ARHGEF3: variants seen among roughly 807,000 people sequenced by gnomAD.
ARHGEF3 encodes Rho guanine nucleotide exchange factor 3, also known as 59.8 kDA protein.
In ARHGEF3, 28 loss-of-function variants were observed where a neutral mutation model predicts 63.2. The ratio of observed to expected loss-of-function variants is 0.44; its 90% CI spans 0.33 to 0.61. The LOEUF (loss-of-function observed/expected upper bound fraction) is 0.61. Among genes scored for constraint, ARHGEF3 ranks in the 20% least tolerant of loss-of-function variants. ARHGEF3 has a pLI of 0.03. For synonymous variants in ARHGEF3, 266 were observed against 254.2 expected (o/e 1.05, Z -0.44); for missense variants, 533 against 659.3 (o/e 0.81, Z 2.10).
In ARHGEF3 at chr3:56,801,892, G is replaced by GGGC; in HGVS notation, c.-97_-95dup. The GGGC allele has an allele frequency of 3.9e-6, 6 of 1,547,418 alleles. No individual in the cohort carries two copies. The highest frequency in any genetic ancestry group is 1.2e-5 in the South Asian group (1 of 83,916). On this transcript the variant is annotated 5_prime_UTR_variant, in exon 1 of 10. Transcript: ENST00000296315. ...AAGGGGGCCCCAGCTCCACGATGCC[G>GGGC]GGCGGCGGCGGCGACACGGAGACCG...
At chr3:57,046,962 C>T (rs1006983165) in intron 1 of ARHGEF3, among the ~76,000 whole-genome samples, 4 of 152,128 alleles carry the variant, frequency 2.6e-5, no homozygotes, top group African/African-American at 9.7e-5. Context: ...ACCATAATTA[C>T]ACAATGACAA....
chr3:56,777,029 G>A (rs921809486), intron 1 of ARHGEF3, among the ~76,000 whole-genome samples: 1 of 152,144 alleles, frequency 6.6e-6, no homozygotes, highest in South Asian at 2.1e-4. Flanking sequence ...TGTTTCTCTT[G>A]TCTTATTGCA....
upstream of ARHGEF3, among the ~76,000 whole-genome samples, chr3:56,806,659 G>A (rs1403218460): frequency 6.6e-6 from 1 of 152,196 alleles, no homozygotes; most frequent in East Asian, 1.9e-4. Flanking sequence ...TGGTAGGCCT[G>A]AATACAGAAG....
At chr3:56,913,816 T>A (rs191223966) in intron 3 of ARHGEF3, among the ~76,000 whole-genome samples, 2 of 152,184 alleles carry the variant, frequency 1.3e-5, no homozygotes, top group Non-Finnish European at 2.9e-5. Context: ...GAAGTCATTA[T>A]ACGAAAAAGA....
At chr3:56,830,189 G>A (rs1420842825) in intron 4 of ARHGEF3, among the ~76,000 whole-genome samples, 4 of 152,144 alleles carry the variant, frequency 2.6e-5, no homozygotes, top group Non-Finnish European at 5.9e-5. Flanking sequence ...ATGATGGGAT[G>A]GTGGTAATGA....
chr3:56,980,775 A>C (rs1404568731), intron 2 of ARHGEF3, among the ~76,000 whole-genome samples: 1 of 152,252 alleles, frequency 6.6e-6, no homozygotes, highest in Non-Finnish European at 1.5e-5. Context: ...TGGGAAACTC[A>C]GGTGCAGAGA....
chr3:57,044,762 C>A (rs9790246), intron 1 of ARHGEF3, among the ~76,000 whole-genome samples: 31,714 of 152,102 alleles, frequency 0.21, 4,507 homozygotes, highest in East Asian at 0.63. Context: ...AAAATCAGAT[C>A]CCAGATCCCA....
intron 2 of ARHGEF3, among the ~76,000 whole-genome samples, chr3:57,014,936 C>T (rs954444008): frequency 5.9e-5 from 9 of 152,148 alleles, no homozygotes; most frequent in Non-Finnish European, 1.0e-4. Context: ...CCTCCCGCCT[C>T]GGCCTCCCAA....
At chr3:56,795,171 G>T (rs540609810) in intron 1 of ARHGEF3, among the ~76,000 whole-genome samples, 1 of 152,058 alleles carries the variant, frequency 6.6e-6, no homozygotes, top group Non-Finnish European at 1.5e-5. Context: ...GGTTGAATCC[G>T]TGGATGTGGA....
chr3:56,986,124 G>C (rs1364600680), intron 2 of ARHGEF3, among the ~76,000 whole-genome samples: 2 of 152,202 alleles, frequency 1.3e-5, no homozygotes, highest in African/African-American at 4.8e-5. Context: ...TGAATCACCA[G>C]CAGGGGGAAA....
At chr3:56,782,842 T>C (rs1425520342) in intron 1 of ARHGEF3, among the ~76,000 whole-genome samples, 3 of 152,142 alleles carry the variant, frequency 2.0e-5, no homozygotes, top group African/African-American at 4.8e-5. Context: ...AAAGAGCAGA[T>C]GATGAGAGAA....
At chr3:56,877,863 T>C (rs1038179499) in intron 4 of ARHGEF3, among the ~76,000 whole-genome samples, 1 of 152,172 alleles carries the variant, frequency 6.6e-6, no homozygotes, top group African/African-American at 2.4e-5. Context: ...TTCAGTTGCA[T>C]TGGTAGCTAC....
chr3:56,916,609 T>C (rs1171234909), intron 3 of ARHGEF3: 3 of 787,804 alleles, frequency 3.8e-6, no homozygotes, highest in Non-Finnish European at 3.5e-6. Context: ...AGAAGTTCAG[T>C]TTCTGACTGA....
At chr3:56,829,115 G>A (rs1274055047) in intron 4 of ARHGEF3, among the ~76,000 whole-genome samples, 1 of 151,972 alleles carries the variant, frequency 6.6e-6, no homozygotes, top group African/African-American at 2.4e-5. Flanking sequence ...TAGTAAAGAC[G>A]GGGTTCCATC....
chr3:56,863,206 C>T (rs1251379025), intron 4 of ARHGEF3, among the ~76,000 whole-genome samples: 9 of 147,614 alleles, frequency 6.1e-5, no homozygotes, highest in Non-Finnish European at 9.0e-5. Flanking sequence ...GGCGCGATCT[C>T]GGCACACTAT....
At chr3:56,920,976 A>G (rs1473801817) in intron 3 of ARHGEF3, among the ~76,000 whole-genome samples, 2 of 146,960 alleles carry the variant, frequency 1.4e-5, no homozygotes, top group Non-Finnish European at 3.0e-5. Context: ...AATGATGTGA[A>G]CCTGGGAGGC....
rs1411274207 is a variant in ARHGEF3 at position 56,737,210 on chromosome 3, C to T, written c.1016G>A (p.Gly339Asp). ...IDSSRVLCCH[G>D]ELKNNRGVKL... ...CACGCCCCGATTGTTCTTCAGTTCA[C>T]CATGACAACACAAGACTCGAGAGCT... Residue 339 changes from glycine (G) to aspartate (D), a missense_variant, in exon 8 of 10, where the codon GGT (glycine) becomes GAT (aspartate). Around this residue, in one of 4 missense-constraint regions of ARHGEF3, gnomAD observed 151 missense variants for 190.7 expected, o/e 0.79. Transcript: ENST00000296315. 6.2e-7 allele frequency: 1 copy of T among 1,613,976 alleles called. No individual in the cohort carries two copies. Among genetic ancestry groups the T allele is most frequent in the Admixed American group, 1.7e-5 (1 of 60,004 alleles).
chr3:56,982,366 A>G (rs1453366396), intron 2 of ARHGEF3, among the ~76,000 whole-genome samples: 1 of 152,156 alleles, frequency 6.6e-6, no homozygotes, highest in Non-Finnish European at 1.5e-5. Flanking sequence ...CAAAATGGGA[A>G]TGTTCCCAGG....
chr3:56,847,737 C>G (rs1186380986), intron 4 of ARHGEF3, among the ~76,000 whole-genome samples: 3 of 152,196 alleles, frequency 2.0e-5, no homozygotes. Context: ...ACCACCATGC[C>G]CAGCTAATTT....
Sources: gnomAD v4.1 joint callset for allele counts (sites outside exome capture counted in the v4.1 genomes callset) on GRCh38, gnomAD v4.1.1 for gene constraint, gnomAD v4.1.1 regional missense constraint, MANE v1.5 for transcripts, NCBI Gene and HGNC (gene_info 2026-07-23, HGNC 2026-07-21) for gene names.